SPTLC2: variants seen among roughly 807,000 people sequenced by gnomAD.
SPTLC2 encodes serine palmitoyltransferase long chain base subunit 2.
SPTLC2 carries 21 observed loss-of-function variants against 62.0 expected under a neutral mutation model. The ratio of observed to expected loss-of-function variants is 0.34; its 90% CI spans 0.24 to 0.49. The LOEUF (loss-of-function observed/expected upper bound fraction) is 0.49. SPTLC2 is among the 20% of genes least tolerant of loss of function. SPTLC2 has a pLI of 0.99. For synonymous variants in SPTLC2, 261 were observed against 261.8 expected, an observed-to-expected ratio of 1.00 and a Z score of 0.03; for missense variants, 511 against 713.0, an observed-to-expected ratio of 0.72 and a Z score of 3.23.
rs368036089 is a variant in SPTLC2, at chr14:77,586,237, C to T, written c.328-7128G>A. 2.3e-3 allele frequency among the ~76,000 whole-genome samples: 348 copies of T among 151,780 alleles called. 5 individuals carry two copies. In the South Asian group the frequency reaches 0.033, roughly 15 times the overall value. ...ATTACAGGTGTGCACCACCATATCC[C>T]GCTAATTTTTGTATTTTCAGTAGAG... is the stretch of plus-strand genomic sequence containing the variant. On this transcript the variant is annotated intron_variant, in intron 2 of 11. Transcript: ENST00000216484.
At chr14:77,524,470 A>C (rs1014747924) in intron 9 of SPTLC2, among the ~76,000 whole-genome samples, 4 of 152,220 alleles carry the variant, frequency 2.6e-5, no homozygotes, top group Non-Finnish European at 5.9e-5. Context: ...TTTCAAACTA[A>C]AAATGGAACT....
intron 2 of SPTLC2, among the ~76,000 whole-genome samples, chr14:77,593,291 A>G (rs376667991): frequency 1.3e-5 from 2 of 152,128 alleles, no homozygotes; most frequent in East Asian, 3.8e-4. Context: ...TAAATATTAG[A>G]ATATTTTTTT....
rs189894988 is a variant in SPTLC2, at chr14:77,560,418, T to G, written c.850+1978A>C. 9.1e-4 allele frequency among the ~76,000 whole-genome samples: 139 copies of G among 152,124 alleles called. 1 individual carries two copies. The highest frequency in any genetic ancestry group is 3.1e-3 in the African/African-American group (128 of 41,502). On this transcript the variant is annotated intron_variant, in intron 6 of 11. Transcript: ENST00000216484. ...CTGGGCAACATGGTGAAACCCCATC[T>G]TTACAAAAAATACAAAAAGAAAACA...
chr14:77,599,811 A>T (rs1002662047), intron 1 of SPTLC2, among the ~76,000 whole-genome samples: 2 of 152,240 alleles, frequency 1.3e-5, no homozygotes, highest in Non-Finnish European at 2.9e-5. Context: ...ATAACAATAT[A>T]AAAAAGTTAT....
intron 9 of SPTLC2, among the ~76,000 whole-genome samples, chr14:77,537,770 G>A (rs1050780757): frequency 5.3e-5 from 8 of 152,136 alleles, no homozygotes; most frequent in South Asian, 2.1e-4. Context: ...GTAAAAGAGG[G>A]AAAATAATGT....
intron 9 of SPTLC2, among the ~76,000 whole-genome samples, chr14:77,539,131 T>C (rs1460240028): frequency 1.3e-5 from 2 of 149,288 alleles, no homozygotes; most frequent in Admixed American, 1.3e-4. Context: ...TATATTTACA[T>C]ATGTAAGATC....
At chr14:77,522,892 C>T (rs890083810) in intron 9 of SPTLC2, among the ~76,000 whole-genome samples, 11 of 152,182 alleles carry the variant, frequency 7.2e-5, no homozygotes, top group Non-Finnish European at 1.3e-4. Context: ...CTAACAATGT[C>T]CTTAGAATCA....
chr14:77,550,751 A>G (rs993495258), intron 9 of SPTLC2, among the ~76,000 whole-genome samples: 3 of 151,734 alleles, frequency 2.0e-5, no homozygotes, highest in Admixed American at 6.6e-5. Flanking sequence ...AAAATACAAA[A>G]AAAATGGCCA....
chr14:77,608,490 T>C (rs998766151), intron 1 of SPTLC2, among the ~76,000 whole-genome samples: 2 of 152,210 alleles, frequency 1.3e-5, no homozygotes, highest in African/African-American at 2.4e-5. Flanking sequence ...TTCCATTAAA[T>C]AAAACATTAA....
intron 1 of SPTLC2, among the ~76,000 whole-genome samples, chr14:77,610,483 G>A (rs1227248273): frequency 1.3e-5 from 2 of 151,830 alleles, no homozygotes; most frequent in African/African-American, 2.4e-5. Flanking sequence ...ATGGGGTCTC[G>A]CCACGTTGCC....
intron 9 of SPTLC2, among the ~76,000 whole-genome samples, chr14:77,540,505 T>C (rs1390845082): frequency 6.6e-6 from 1 of 152,162 alleles, no homozygotes; most frequent in Non-Finnish European, 1.5e-5. Flanking sequence ...GACGGAGTCT[T>C]GCTCAGTTGC....
chr14:77,529,340 G>T (rs1263353501), intron 9 of SPTLC2, among the ~76,000 whole-genome samples: 4 of 145,722 alleles, frequency 2.7e-5, no homozygotes, highest in Non-Finnish European at 6.0e-5. Context: ...TCCACTGATA[G>T]AAATAAACTT....
chr14:77,519,039 A>T (rs900843779), intron 10 of SPTLC2, among the ~76,000 whole-genome samples: 6 of 152,140 alleles, frequency 3.9e-5, no homozygotes, highest in Non-Finnish European at 7.4e-5. Flanking sequence ...AATTTTGTCT[A>T]CTAAATTATG....
intron 9 of SPTLC2, among the ~76,000 whole-genome samples, chr14:77,534,861 T>C (rs758673143): frequency 2.0e-5 from 3 of 152,062 alleles, no homozygotes; most frequent in Non-Finnish European, 4.4e-5. Context: ...GTGTGGGAGA[T>C]GGACAACAAA....
At position 77,512,245 on chromosome 14, in the gene SPTLC2, G is replaced by A; in HGVS notation, c.*39C>T. The stretch of plus-strand genomic sequence containing the variant: ...GCTCACAAAGGCCACAGGCTGTCCT[G>A]GGTGAGGGAGAGTTCCTCTGAGGGA... On this transcript the variant is annotated 3_prime_UTR_variant, in exon 12 of 12. Transcript: ENST00000216484. 2 of 1,612,692 alleles carry A rather than the reference G, an allele frequency of 1.2e-6. No homozygotes were observed. The highest frequency in any genetic ancestry group is 1.7e-6 in the Non-Finnish European group (2 of 1,179,924).
chr14:77,550,365 G>A (rs1251252803), intron 9 of SPTLC2, among the ~76,000 whole-genome samples: 6 of 152,088 alleles, frequency 3.9e-5, no homozygotes, highest in African/African-American at 1.2e-4. Flanking sequence ...ACCTGAGGTC[G>A]GGAGTTCGAG....
chr14:77,615,915 G>GTCCT (rs890753135), intron 1 of SPTLC2, among the ~76,000 whole-genome samples: 11 of 152,214 alleles, frequency 7.2e-5, no homozygotes, highest in African/African-American at 2.7e-4. Context: ...ATGGACCAAT[G>GTCCT]TCCTGGTTGG....
At chr14:77,524,192 C>A (rs946736149) in intron 9 of SPTLC2, among the ~76,000 whole-genome samples, 2 of 152,042 alleles carry the variant, frequency 1.3e-5, no homozygotes, top group African/African-American at 4.8e-5. Context: ...TGTATGAATT[C>A]GTTTGTATGA....
intron 9 of SPTLC2, among the ~76,000 whole-genome samples, chr14:77,536,348 G>A (rs909653308): frequency 6.6e-6 from 1 of 151,758 alleles, no homozygotes; most frequent in African/African-American, 2.4e-5. Flanking sequence ...TTTGCTCACT[G>A]TAGGTCAGGT....
Sources: gnomAD v4.1 joint callset for allele counts (sites outside exome capture counted in the v4.1 genomes callset) on GRCh38, gnomAD v4.1.1 for gene constraint, MANE v1.5 for transcripts, NCBI Gene and HGNC (gene_info 2026-07-23, HGNC 2026-07-21) for gene names.